MYO3B: variants seen among roughly 807,000 people sequenced by gnomAD.
MYO3B encodes the protein myosin-IIIb.
A neutral mutation model predicts 174.6 loss-of-function variants in MYO3B; 156 were observed. The observed-to-expected ratio is 0.89, with a 90% CI of 0.78 to 1.02. The LOEUF (loss-of-function observed/expected upper bound fraction) is 1.02. Among genes scored for constraint, MYO3B ranks in the 50% least tolerant of loss-of-function variants. The probability of loss-of-function intolerance (pLI) is 0.00; values close to 1 mark genes in which losing one functional copy is unlikely to be tolerated. For missense variants in MYO3B, 1,632 were observed against 1,639.4 expected (o/e 1.00, Z 0.08); for synonymous variants, 563 against 569.1 (o/e 0.99, Z 0.15).
intron 3 of MYO3B, 90 bp from the exon 4 acceptor site, chr2:170,214,289 C>T: frequency 1.1e-6 from 1 of 948,276 alleles, no homozygotes; most frequent in African/African-American, 1.6e-5. Flanking sequence ...TACATTGAAT[C>T]AGTATCAGTC....
chr2:170,513,894 T>A (rs1041104857), intron 28 of MYO3B, among the ~76,000 whole-genome samples: 3 of 152,062 alleles, frequency 2.0e-5, no homozygotes, highest in Non-Finnish European at 2.9e-5. Context: ...TTTTAAAAAA[T>A]CACATCTGAA....
rs567447581 is a variant in MYO3B at position 170,390,962 on chromosome 2, T to C, written c.1578-558T>C. Among the ~76,000 whole-genome samples the C allele has an allele frequency of 5.3e-5, 8 of 152,202 alleles. No individual in the cohort carries two copies. In the South Asian group the frequency reaches 6.2e-4, roughly 12 times the overall value. ...CAGGCTATGCTCAGAGTAGCACCTA[T>C]CTGAAAGGACCCTGGCCAGGGTAGC... On this transcript the variant is annotated intron_variant, in intron 14 of 34. Coordinates refer to ENST00000408978, the MANE Select transcript of MYO3B (RefSeq NM_138995.5).
At chr2:170,360,713 G>A (rs760991644) in intron 8 of MYO3B, among the ~76,000 whole-genome samples, 1 of 152,198 alleles carries the variant, frequency 6.6e-6, no homozygotes, top group Non-Finnish European at 1.5e-5. Flanking sequence ...GAGCCTCTCC[G>A]TGGTGAATGG....
chr2:170,303,707 A>T (rs2093681116), intron 7 of MYO3B, among the ~76,000 whole-genome samples: 1 of 152,138 alleles, frequency 6.6e-6, no homozygotes, highest in Non-Finnish European at 1.5e-5. Flanking sequence ...TCTCCATTAC[A>T]TGGAGCTACT....
At chr2:170,570,897 G>T (rs925588175) in intron 32 of MYO3B, among the ~76,000 whole-genome samples, 6 of 152,030 alleles carry the variant, frequency 3.9e-5, no homozygotes, top group Admixed American at 1.3e-4. Context: ...ATTGCTCTCT[G>T]TGTGGTGCTA....
chr2:170,218,662 C>T (rs1315225775), intron 6 of MYO3B, among the ~76,000 whole-genome samples: 3 of 152,182 alleles, frequency 2.0e-5, no homozygotes, highest in African/African-American at 7.2e-5. Context: ...CAAACAGCAC[C>T]TCTTTTGATC....
At position 170,285,735 on chromosome 2, in the gene MYO3B, G is replaced by A. The variant is rs150152822; in HGVS notation, c.749+49599G>A. Among the ~76,000 whole-genome samples, 202 of 151,130 alleles carry A rather than the reference G, an allele frequency of 1.3e-3. 1 individual carries two copies. Among genetic ancestry groups the A allele is most frequent in the African/African-American group, 4.4e-3 (181 of 41,258 alleles). ...TTTTAAGTTTAATGTCAAATTTCTC[G>A]ATCTTTTTATTTTTGGGTATGCTTT... On this transcript the variant is annotated intron_variant, in intron 7 of 34. Coordinates refer to ENST00000408978, the MANE Select transcript of MYO3B (RefSeq NM_138995.5).
intron 9 of MYO3B, among the ~76,000 whole-genome samples, chr2:170,371,216 T>TAA (rs56689548): frequency 3.9e-4 from 35 of 89,700 alleles, no homozygotes; most frequent in African/African-American, 8.7e-4. Flanking sequence ...AGACAGTGTC[T>TAA]AAAAAAAAAA....
chr2:170,523,090 A>G (rs893665065), intron 30 of MYO3B, among the ~76,000 whole-genome samples: 8 of 152,246 alleles, frequency 5.3e-5, no homozygotes, highest in South Asian at 4.2e-4. Flanking sequence ...TGGTGTTTCA[A>G]TCTCTCTGGT....
chr2:170,594,950 C>A (rs1332116477), intron 32 of MYO3B, among the ~76,000 whole-genome samples: 1 of 151,734 alleles, frequency 6.6e-6, no homozygotes, highest in African/African-American at 2.4e-5. Context: ...TGCTCTTGAC[C>A]CAGCTGAATT....
intron 32 of MYO3B, among the ~76,000 whole-genome samples, chr2:170,580,722 G>A (rs200178504): frequency 0.034 from 2,062 of 60,236 alleles, 43 homozygotes; most frequent in East Asian, 0.094. Context: ...TTATATATGT[G>A]TGTGTGTGTG....
At chr2:170,239,624 C>G (rs1429284471) in intron 7 of MYO3B, among the ~76,000 whole-genome samples, 1 of 152,254 alleles carries the variant, frequency 6.6e-6, no homozygotes, top group Non-Finnish European at 1.5e-5. Context: ...ACAGCACAGG[C>G]TGGCCTGAAC....
At chr2:170,348,081 G>C (rs1342657593) in intron 8 of MYO3B, 2 of 152,120 alleles carry the variant, frequency 1.3e-5, no homozygotes, top group Non-Finnish European at 2.9e-5. Context: ...GATCATTTGA[G>C]CCTGAGTTTG....
chr2:170,401,472 T>C lies in MYO3B; in HGVS notation c.1919-9T>C. ...CTACATTCTGTGTTATCCTTACTCT[T>C]TGTTTCAGCTGCCTCTGTTCTGTGC... On this transcript the variant is annotated splice_polypyrimidine_tract_variant and intron_variant, in intron 17 of 34. Transcript: ENST00000408978. 6.2e-7 allele frequency: 1 copy of C among 1,613,722 alleles called. No homozygotes were observed. Among genetic ancestry groups the C allele is most frequent in the Non-Finnish European group, 8.5e-7 (1 of 1,179,650 alleles).
At position 170,404,374 on chromosome 2, in the gene MYO3B, C is replaced by G. The variant is rs1005984004; in HGVS notation, c.2405C>G (p.Pro802Arg). The G allele has an allele frequency of 6.2e-7, 1 of 1,613,388 alleles. No individual in the cohort carries two copies. The highest frequency in any genetic ancestry group is 8.5e-7 in the Non-Finnish European group (1 of 1,179,738). The change falls in exon 20 of 35, where the codon CCC (proline) becomes CGC (arginine). Residue 802 changes from proline to arginine, a missense_variant. Physicochemically the swap from Pro to Arg is moderately radical, Grantham distance 103. Coordinates refer to ENST00000408978, the MANE Select transcript of MYO3B (RefSeq NM_138995.5). ...LALLDEESRF[P>R]QATDQTLVDK... Reference sequence around the variant, plus strand: ...CTTTTGGATGAGGAAAGTCGGTTTCCCCAAGCAACTGACCAGACCCTGGTT... The same window carrying G: ...CTTTTGGATGAGGAAAGTCGGTTTCGCCAAGCAACTGACCAGACCCTGGTT...
chr2:170,224,812 C>T (rs888927259), intron 6 of MYO3B, among the ~76,000 whole-genome samples: 13 of 152,240 alleles, frequency 8.5e-5, no homozygotes, highest in Non-Finnish European at 1.3e-4. Context: ...GTGACGGCTC[C>T]AAAAATGGGT....
At chr2:170,469,670 C>T (rs1156812039) in intron 25 of MYO3B, among the ~76,000 whole-genome samples, 1 of 152,190 alleles carries the variant, frequency 6.6e-6, no homozygotes, top group African/African-American at 2.4e-5. Context: ...AGGTCCAGCT[C>T]ACTACCTGCT....
chr2:170,301,760 G>A (rs543736050), intron 7 of MYO3B, among the ~76,000 whole-genome samples: 1 of 152,126 alleles, frequency 6.6e-6, no homozygotes, highest in East Asian at 1.9e-4. Flanking sequence ...CAGGGTGGCA[G>A]TGACGACACG....
chr2:170,322,177 C>T (rs1174587167), intron 7 of MYO3B, among the ~76,000 whole-genome samples: 1 of 151,526 alleles, frequency 6.6e-6, no homozygotes, highest in Non-Finnish European at 1.5e-5. Flanking sequence ...ACCTTCACCC[C>T]ACTCCCACCC....
Sources: allele counts gnomAD v4.1 joint callset (sites outside exome capture counted in the v4.1 genomes callset), GRCh38; gene constraint gnomAD v4.1.1; transcripts MANE v1.5; gene names NCBI Gene and HGNC (gene_info 2026-07-23, HGNC 2026-07-21).